The following TMEM135 variants were observed in gnomAD, a reference collection of about 807,000 sequenced individuals.
TMEM135 encodes the protein peroxisomal membrane protein 52.
A neutral mutation model predicts 60.3 loss-of-function variants in TMEM135; 30 were observed. That is an observed-to-expected ratio of 0.50 (90% CI 0.37 to 0.68). The LOEUF is 0.68. Ranked by LOEUF, TMEM135 falls within the 30% of genes least tolerant of loss-of-function variation. The pLI, the probability that TMEM135 is intolerant of heterozygous loss-of-function variation, is 0.00. For synonymous variants in TMEM135, 190 were observed against 186.7 expected (o/e 1.02, Z -0.14); for missense variants, 468 against 548.8 (o/e 0.85, Z 1.47).
intron 4 of TMEM135, among the ~76,000 whole-genome samples, chr11:87,149,371 C>T (rs945155770): frequency 1.3e-5 from 2 of 152,040 alleles, no homozygotes; most frequent in Admixed American, 6.6e-5. Context: ...CTAGTGTCTT[C>T]GTCATTCTCA....
intron 5 of TMEM135, among the ~76,000 whole-genome samples, chr11:87,203,336 A>G (rs555900529): frequency 1.3e-5 from 2 of 152,228 alleles, no homozygotes; most frequent in African/African-American, 2.4e-5. Context: ...TGCTCCCTCA[A>G]AAATCCTCTG....
At chr11:87,263,975 A>T (rs911842900) in intron 6 of TMEM135, among the ~76,000 whole-genome samples, 3 of 152,068 alleles carry the variant, frequency 2.0e-5, no homozygotes, top group Non-Finnish European at 4.4e-5. Context: ...ATGAAATTAA[A>T]TGAAAAACCT....
At chr11:87,273,215 A>G (rs940303790) in intron 6 of TMEM135, among the ~76,000 whole-genome samples, 4 of 152,156 alleles carry the variant, frequency 2.6e-5, no homozygotes, top group African/African-American at 9.7e-5. Context: ...TTATTAGCTG[A>G]GCAATTCTGG....
chr11:87,108,593 A>C (rs1469695824), intron 4 of TMEM135, among the ~76,000 whole-genome samples: 1 of 151,750 alleles, frequency 6.6e-6, no homozygotes, highest in African/African-American at 2.4e-5. Flanking sequence ...CTTTGGGCTT[A>C]GTTTGTCTTT....
At position 87,325,504 on chromosome 11, in the gene TMEM135, C is replaced by A. The variant is rs61911675; in HGVS notation, c.*4171C>A. 9 of 191,330 alleles carry A rather than the reference C, an allele frequency of 4.7e-5. No individual in the cohort carries two copies. The South Asian group carries it at 6.0e-4, about 13-fold the overall frequency. The allele number at this position is 191,330 out of a possible 1,614,324, so 11.9% of individuals were successfully genotyped here. On this transcript the variant is annotated 3_prime_UTR_variant, in exon 15 of 15. Coordinates refer to ENST00000305494, the MANE Select transcript of TMEM135 (RefSeq NM_022918.4). ...TTTTATGTGGGCTCTCTCTCTCTCCCTCTCTCTCTCTCTCTGTCTGTCTCT... is the reference window on the plus strand; with the variant it reads ...TTTTATGTGGGCTCTCTCTCTCTCCATCTCTCTCTCTCTCTGTCTGTCTCT...
intron 1 of TMEM135, among the ~76,000 whole-genome samples, chr11:87,055,911 A>G (rs1000123709): frequency 1.3e-5 from 2 of 152,312 alleles, no homozygotes; most frequent in South Asian, 2.1e-4. Context: ...GAAAGAATTC[A>G]GGGCAAGTCC....
At chr11:87,091,295 A>G in intron 3 of TMEM135, 67 bp from the exon 4 acceptor site, 2 of 1,365,092 alleles carry the variant, frequency 1.5e-6, no homozygotes, top group South Asian at 1.2e-5. Context: ...ATAGACTTCT[A>G]ATAAATGATA....
chr11:87,189,758 G>GAAAAA (rs796303818), intron 5 of TMEM135, among the ~76,000 whole-genome samples: 1 of 115,562 alleles, frequency 8.7e-6, no homozygotes, highest in Non-Finnish European at 1.8e-5. Flanking sequence ...CGTCTCCACA[G>GAAAAA]AAAAAAAAAA....
At chr11:87,090,139 C>T (rs1288399523) in intron 3 of TMEM135, among the ~76,000 whole-genome samples, 1 of 151,964 alleles carries the variant, frequency 6.6e-6, no homozygotes, top group Admixed American at 6.6e-5. Flanking sequence ...CACTGTGGGT[C>T]CTATATCCCC....
chr11:87,056,550 A>G (rs962516168), intron 1 of TMEM135, among the ~76,000 whole-genome samples: 1 of 152,214 alleles, frequency 6.6e-6, no homozygotes, highest in Non-Finnish European at 1.5e-5. Context: ...ATGTCCATCA[A>G]ATGGTTGACA....
chr11:87,225,165 T>A (rs1940739239), intron 5 of TMEM135, among the ~76,000 whole-genome samples: 1 of 152,142 alleles, frequency 6.6e-6, no homozygotes. Flanking sequence ...ATGCTATAAA[T>A]CTTTAATGGG....
At chr11:87,100,498 A>G (rs1041397541) in intron 4 of TMEM135, among the ~76,000 whole-genome samples, 18 of 152,244 alleles carry the variant, frequency 1.2e-4, no homozygotes, top group Middle Eastern at 3.2e-3. Flanking sequence ...TTGTTGGCTT[A>G]TAACATCCAA....
intron 5 of TMEM135, among the ~76,000 whole-genome samples, chr11:87,158,629 T>A (rs1378615475): frequency 7.9e-6 from 1 of 126,260 alleles, no homozygotes; most frequent in Non-Finnish European, 1.7e-5. Flanking sequence ...GCCCGGCTAA[T>A]TTTTTGTATT....
chr11:87,123,118 T>G (rs1293775949), intron 4 of TMEM135, among the ~76,000 whole-genome samples: 1 of 152,200 alleles, frequency 6.6e-6, no homozygotes, highest in African/African-American at 2.4e-5. Flanking sequence ...TCAACAAATA[T>G]CATTCTTTTG....
At chr11:87,217,497 G>T (rs1940526818) in intron 5 of TMEM135, among the ~76,000 whole-genome samples, 1 of 152,142 alleles carries the variant, frequency 6.6e-6, no homozygotes, top group Non-Finnish European at 1.5e-5. Context: ...TCTAAAAAGG[G>T]ATTTGGGGCC....
chr11:87,044,623 A>AT (rs1949778653), intron 1 of TMEM135, among the ~76,000 whole-genome samples: 1 of 152,042 alleles, frequency 6.6e-6, no homozygotes, highest in African/African-American at 2.4e-5. Flanking sequence ...ATAATTTCTT[A>AT]TTATCTCTTT....
intron 4 of TMEM135, among the ~76,000 whole-genome samples, chr11:87,136,159 A>G (rs1299220986): frequency 6.6e-6 from 1 of 152,016 alleles, no homozygotes; most frequent in East Asian, 1.9e-4. Context: ...TGAACATGTC[A>G]TCTAAGAAAA....
At chr11:87,261,534 T>C (rs1941651685) in intron 6 of TMEM135, among the ~76,000 whole-genome samples, 1 of 152,196 alleles carries the variant, frequency 6.6e-6, no homozygotes, top group Admixed American at 6.5e-5. Flanking sequence ...AAAGTATAAA[T>C]AATAAAAATG....
chr11:87,176,390 A>G (rs73527428), intron 5 of TMEM135, among the ~76,000 whole-genome samples: 107 of 152,256 alleles, frequency 7.0e-4, no homozygotes, highest in African/African-American at 2.5e-3. Context: ...TGTCTTGTAC[A>G]GGCTGCAGAA....
Sources: gnomAD v4.1 joint callset for allele counts (sites outside exome capture counted in the v4.1 genomes callset) on GRCh38, gnomAD v4.1.1 for gene constraint, MANE v1.5 for transcripts, NCBI Gene and HGNC (gene_info 2026-07-23, HGNC 2026-07-21) for gene names.